HIVEP1: variants seen among roughly 807,000 people sequenced by gnomAD.
HIVEP1 encodes HIVEP zinc finger 1.
HIVEP1 carries 36 observed loss-of-function variants against 180.0 expected under a neutral mutation model. That is an observed-to-expected ratio of 0.20 (90% confidence interval 0.15 to 0.26). The LOEUF (loss-of-function observed/expected upper bound fraction) is 0.26. Ranked by LOEUF, HIVEP1 falls within the 10% of genes least tolerant of loss-of-function variation. The pLI, the probability that HIVEP1 is intolerant of heterozygous loss-of-function variation, is 1.00. For missense variants in HIVEP1, 3,143 were observed against 3,268.7 expected, an observed-to-expected ratio of 0.96 and a Z score of 0.94; for synonymous variants, 1,239 against 1,239.0, an observed-to-expected ratio of 1.00 and a Z score of 0.00.
chr6:12,090,319 A>G (rs2113335695), intron 3 of HIVEP1, among the ~76,000 whole-genome samples: 1 of 152,262 alleles, frequency 6.6e-6, no homozygotes, highest in East Asian at 1.9e-4. Flanking sequence ...ATTTAGCTAA[A>G]TAGGATTCCA....
chr6:12,185,662 T>A, the HIVEP1 span, among the ~76,000 whole-genome samples: 1 of 152,312 alleles, frequency 6.6e-6, no homozygotes, highest in East Asian at 1.9e-4. Flanking sequence ...GGTATACATA[T>A]ATGAATGGTT....
intron 3 of HIVEP1, among the ~76,000 whole-genome samples, chr6:12,109,840 G>T (rs1374094139): frequency 6.6e-6 from 1 of 152,166 alleles, no homozygotes; most frequent in Non-Finnish European, 1.5e-5. Flanking sequence ...AATTTGCTTT[G>T]CCCAGCTCCA....
chr6:12,143,198 G>A (rs562458132), intron 7 of HIVEP1, among the ~76,000 whole-genome samples: 33 of 152,108 alleles, frequency 2.2e-4, no homozygotes, highest in Middle Eastern at 3.4e-3. Context: ...TGATCAAGTC[G>A]GCTTCATCCC....
chr6:12,124,237 C>T lies in HIVEP1; in HGVS notation c.4442C>T (p.Thr1481Ile). ...STSLAEFSAN[T>I]LHSQTQVKDL... ...TCTTTAGCTGAGTTTTCTGCAAATA[C>T]TTTGCACTCTCAGACTCAGGTTAAG... Residue 1481 changes from threonine to isoleucine, a missense_variant, in exon 4 of 9, where the codon ACT becomes ATT. Around this residue, in one of 12 missense-constraint regions of HIVEP1, gnomAD observed 1,357 missense variants for 1,260.5 expected, o/e 1.08. Transcript: ENST00000379388. The T allele has an allele frequency of 1.9e-6, 3 of 1,614,106 alleles. No homozygotes were observed. The highest frequency in any genetic ancestry group is 2.5e-6 in the Non-Finnish European group (3 of 1,179,966).
chr6:12,206,709 G>A, the HIVEP1 span, among the ~76,000 whole-genome samples: 2 of 152,112 alleles, frequency 1.3e-5, no homozygotes, highest in African/African-American at 2.4e-5. Flanking sequence ...GGCAGTCCTA[G>A]GGAACCAGAA....
intron 2 of HIVEP1, among the ~76,000 whole-genome samples, chr6:12,061,760 G>C (rs756878670): frequency 2.1e-4 from 32 of 151,956 alleles, no homozygotes; most frequent in Non-Finnish European, 4.3e-4. Context: ...TTTTCTTGTG[G>C]ATATCATTGT....
At chr6:12,022,074 G>T (rs1185563575) in intron 2 of HIVEP1, among the ~76,000 whole-genome samples, 1 of 152,218 alleles carries the variant, frequency 6.6e-6, no homozygotes, top group African/African-American at 2.4e-5. Flanking sequence ...ATATTTGGTA[G>T]CTTCTGATTA....
downstream of HIVEP1, chr6:12,165,028 T>A (rs1055111607): frequency 4.5e-6 from 2 of 440,098 alleles, no homozygotes; most frequent in Admixed American, 5.6e-5. Context: ...CTTCTTTATA[T>A]CATCCAGTGA....
the HIVEP1 span, among the ~76,000 whole-genome samples, chr6:12,186,531 A>C: frequency 8.2e-6 from 1 of 121,912 alleles, no homozygotes; most frequent in Non-Finnish European, 1.7e-5. Context: ...TAATTTCACT[A>C]AAACCATCAA....
chr6:12,122,868 A>T lies in HIVEP1; in HGVS notation c.3073A>T (p.Thr1025Ser), dbSNP rs1183833086. The change falls in exon 4 of 9, where the codon ACG (threonine) becomes TCG (serine). Residue 1025 changes from threonine (T) to serine (S), a missense_variant. Transcript: ENST00000379388. ...TGGGTCCTCCGGCATCTGGGAACAGACGCCCCAGATAAGAAAAAGGAGGAA... is the reference window on the plus strand; with the variant it reads ...TGGGTCCTCCGGCATCTGGGAACAGTCGCCCCAGATAAGAAAAAGGAGGAA... ...VAGSSGIWEQTPQIRKRRKMK... is the reference protein window; with the variant it reads ...VAGSSGIWEQSPQIRKRRKMK... The T allele has an allele frequency of 6.2e-7, 1 of 1,614,002 alleles. No homozygotes were observed. The highest frequency in any genetic ancestry group is 8.5e-7 in the Non-Finnish European group (1 of 1,180,008).
upstream of HIVEP1, among the ~76,000 whole-genome samples, chr6:12,009,816 C>T (rs1767185491): frequency 6.6e-6 from 1 of 152,240 alleles, no homozygotes; most frequent in Non-Finnish European, 1.5e-5. Flanking sequence ...TATCGGTTTG[C>T]TGCTCAAGGA....
In HIVEP1 at chr6:12,123,745, G is replaced by A; in HGVS notation, c.3950G>A (p.Ser1317Asn). 6.2e-7 allele frequency: 1 copy of A among 1,614,108 alleles called. No homozygotes were observed. The highest frequency in any genetic ancestry group is 1.3e-5 in the African/African-American group (1 of 75,020). ...SRESSLSHTS[S>N]FSASLDIEDV... ...GAGAGCAGTTTATCTCACACTTCAA[G>A]TTTCTCAGCCTCTTTAGACATAGAG... The change falls in exon 4 of 9, where the codon AGT becomes AAT. Residue 1317 changes from serine (S) to asparagine (N), a missense_variant. Physicochemically the swap from Ser to Asn is conservative, Grantham distance 46. This residue lies in a region of HIVEP1 where 1,357 missense variants were observed against 1,260.5 expected (regional missense o/e 1.08). Coordinates refer to ENST00000379388, the MANE Select transcript of HIVEP1 (RefSeq NM_002114.4).
At chr6:12,188,605 C>T in the HIVEP1 span, among the ~76,000 whole-genome samples, 1 of 151,932 alleles carries the variant, frequency 6.6e-6, no homozygotes, top group Non-Finnish European at 1.5e-5. Flanking sequence ...CTTAAAATGA[C>T]ACCACTTATA....
intron 2 of HIVEP1, among the ~76,000 whole-genome samples, chr6:12,020,648 A>G (rs1467363934): frequency 2.0e-5 from 3 of 152,180 alleles, no homozygotes; most frequent in Non-Finnish European, 4.4e-5. Flanking sequence ...AAAGCTTTGA[A>G]AAAAAGGAAA....
chr6:12,125,985 C>G (rs1758046383), intron 4 of HIVEP1, 115 bp downstream of exon 4: 1 of 649,896 alleles, frequency 1.5e-6, no homozygotes, highest in East Asian at 2.7e-5. Flanking sequence ...ACAAATTGTG[C>G]TGTAAATGTC....
downstream of HIVEP1, among the ~76,000 whole-genome samples, chr6:12,167,606 GTTATA>G (rs1375702025): frequency 8.8e-6 from 1 of 113,974 alleles, no homozygotes; most frequent in African/African-American, 2.9e-5. Context: ...ATATATACAT[GTTATA>G]TTACATGTAT....
intron 7 of HIVEP1, among the ~76,000 whole-genome samples, chr6:12,149,017 A>G (rs1313374920): frequency 6.6e-6 from 1 of 152,202 alleles, no homozygotes; most frequent in Admixed American, 6.5e-5. Flanking sequence ...AACCAGTACT[A>G]TGAAACATCA....
chr6:12,180,198 A>G, the HIVEP1 span, among the ~76,000 whole-genome samples: 11 of 152,194 alleles, frequency 7.2e-5, no homozygotes, highest in Non-Finnish European at 7.3e-5. Context: ...ATGGATAAAT[A>G]TTTGCCTGAG....
chr6:12,094,133 T>G (rs539368189), intron 3 of HIVEP1, among the ~76,000 whole-genome samples: 4 of 152,152 alleles, frequency 2.6e-5, no homozygotes, highest in African/African-American at 9.6e-5. Context: ...TAATGATTTT[T>G]TCTTTTGTAA....
Sources: gnomAD v4.1 joint callset for allele counts (sites outside exome capture counted in the v4.1 genomes callset) on GRCh38, gnomAD v4.1.1 for gene constraint, gnomAD v4.1.1 regional missense constraint, MANE v1.5 for transcripts, NCBI Gene and HGNC (gene_info 2026-07-23, HGNC 2026-07-21) for gene names.